The following SMYD3 variants were observed in gnomAD, a reference collection of about 807,000 sequenced individuals.
SMYD3 encodes SET and MYND domain containing 3.
A neutral mutation model predicts 57.7 loss-of-function variants in SMYD3; 36 were observed. The observed-to-expected ratio is 0.62, with a 90% CI of 0.48 to 0.82. The LOEUF is 0.82. SMYD3 is among the 40% of genes least tolerant of loss of function. SMYD3 has a pLI of 0.00. For missense variants in SMYD3, 515 were observed against 538.8 expected, an observed-to-expected ratio of 0.96 and a Z score of 0.44; for synonymous variants, 211 against 195.0, an observed-to-expected ratio of 1.08 and a Z score of -0.68.
At chr1:245,786,121 G>A (rs1408877463) in intron 10 of SMYD3, among the ~76,000 whole-genome samples, 4 of 117,482 alleles carry the variant, frequency 3.4e-5, no homozygotes, top group Non-Finnish European at 6.5e-5. Flanking sequence ...GGAGATACTA[G>A]ATACTACAAC....
intron 5 of SMYD3, among the ~76,000 whole-genome samples, chr1:246,101,374 G>A (rs186861241): frequency 2.6e-5 from 4 of 152,068 alleles, no homozygotes; most frequent in Admixed American, 6.5e-5. Flanking sequence ...TCCCAGACTC[G>A]CCCGTTTATC....
intron 5 of SMYD3, among the ~76,000 whole-genome samples, chr1:246,068,729 C>T (rs2787994): frequency 0.064 from 9,812 of 152,144 alleles, 1,087 homozygotes; most frequent in African/African-American, 0.22. Flanking sequence ...ATAAAAAATA[C>T]TACTCTTATT....
chr1:246,361,977 A>C (rs1455916147), intron 1 of SMYD3, among the ~76,000 whole-genome samples: 1 of 152,206 alleles, frequency 6.6e-6, no homozygotes, highest in Non-Finnish European at 1.5e-5. Flanking sequence ...AGAGAAAAAA[A>C]TAATAACGCA....
At chr1:246,503,963 A>G (rs1328151221) in intron 1 of SMYD3, among the ~76,000 whole-genome samples, 1 of 85,432 alleles carries the variant, frequency 1.2e-5, no homozygotes, top group Non-Finnish European at 3.0e-5. Flanking sequence ...TTAAAAAAAA[A>G]AAAAAAAAAA....
intron 1 of SMYD3, among the ~76,000 whole-genome samples, chr1:246,482,954 T>C (rs1258192098): frequency 1.3e-5 from 2 of 152,164 alleles, no homozygotes; most frequent in African/African-American, 4.8e-5. Context: ...CTCAAGGGGA[T>C]GAAACTAGTT....
At chr1:246,025,739 T>C (rs1572907419) in intron 5 of SMYD3, among the ~76,000 whole-genome samples, 1 of 152,102 alleles carries the variant, frequency 6.6e-6, no homozygotes, top group Non-Finnish European at 1.5e-5. Flanking sequence ...TGATGTATGA[T>C]TAAGCTCAAT....
At chr1:245,928,784 G>C (rs1035343536) in intron 6 of SMYD3, among the ~76,000 whole-genome samples, 16 of 152,170 alleles carry the variant, frequency 1.1e-4, no homozygotes, top group African/African-American at 3.6e-4. Context: ...GCCTTTGCTA[G>C]AACATCCACA....
intron 8 of SMYD3, among the ~76,000 whole-genome samples, chr1:245,905,015 G>A (rs1399449269): frequency 6.6e-6 from 1 of 151,794 alleles, no homozygotes; most frequent in Non-Finnish European, 1.5e-5. Flanking sequence ...CCGCTGCCTT[G>A]AAGGAAACAA....
intron 5 of SMYD3, among the ~76,000 whole-genome samples, chr1:246,240,304 C>G (rs530089650): frequency 2.0e-5 from 3 of 152,324 alleles, no homozygotes; most frequent in African/African-American, 7.2e-5. Flanking sequence ...TAGCTTTCTA[C>G]ATGTGGCTAG....
chr1:246,435,707 A>T (rs1363472887), intron 1 of SMYD3, among the ~76,000 whole-genome samples: 2 of 152,044 alleles, frequency 1.3e-5, no homozygotes, highest in East Asian at 3.8e-4. Flanking sequence ...TGATAGAAGA[A>T]TTCCAAGGAG....
chr1:246,440,779 G>A (rs2067450725), intron 1 of SMYD3, among the ~76,000 whole-genome samples: 1 of 152,164 alleles, frequency 6.6e-6, no homozygotes, highest in African/African-American at 2.4e-5. Context: ...AAAGATACAA[G>A]TTCACAAAAT....
chr1:246,001,630 T>A (rs1201446226), intron 5 of SMYD3, among the ~76,000 whole-genome samples: 1 of 152,104 alleles, frequency 6.6e-6, no homozygotes, highest in Non-Finnish European at 1.5e-5. Context: ...ATCCTATACA[T>A]AAATGACTAA....
intron 5 of SMYD3, among the ~76,000 whole-genome samples, chr1:246,111,789 A>T (rs1165419271): frequency 6.6e-6 from 1 of 152,186 alleles, no homozygotes; most frequent in Non-Finnish European, 1.5e-5. Context: ...AGACTACTTC[A>T]CCATGTGAGG....
chr1:246,406,559 C>G (rs1022995485), intron 1 of SMYD3, among the ~76,000 whole-genome samples: 1 of 152,230 alleles, frequency 6.6e-6, no homozygotes, highest in Non-Finnish European at 1.5e-5. Flanking sequence ...TCTTGTAAGT[C>G]TCTCTTCAGT....
intron 5 of SMYD3, among the ~76,000 whole-genome samples, chr1:245,971,405 T>C (rs2058298706): frequency 6.6e-6 from 1 of 151,730 alleles, no homozygotes; most frequent in Non-Finnish European, 1.5e-5. Flanking sequence ...GTAACAAAGC[T>C]GCACTGTTCT....
chr1:246,121,781 G>GTCAT (rs751280845), intron 5 of SMYD3, among the ~76,000 whole-genome samples: 10 of 152,194 alleles, frequency 6.6e-5, no homozygotes, highest in Non-Finnish European at 1.5e-4. Flanking sequence ...AATCAGTGAT[G>GTCAT]TCATTATAGG....
At chr1:246,038,576 C>T (rs779682571) in intron 5 of SMYD3, among the ~76,000 whole-genome samples, 9 of 152,126 alleles carry the variant, frequency 5.9e-5, no homozygotes, top group Admixed American at 4.6e-4. Flanking sequence ...GACACAAATA[C>T]GAATCCTATC....
intron 5 of SMYD3, among the ~76,000 whole-genome samples, chr1:246,019,276 C>T (rs1175331554): frequency 6.6e-6 from 1 of 152,128 alleles, no homozygotes. Flanking sequence ...TGCTACACAC[C>T]CTACAATGCA....
chr1:245,981,065 T>C (rs528454988), intron 5 of SMYD3, among the ~76,000 whole-genome samples: 1 of 152,382 alleles, frequency 6.6e-6, no homozygotes, highest in African/African-American at 2.4e-5. Flanking sequence ...AGTATCCCAC[T>C]GTGATTACAC....
Sources: allele counts gnomAD v4.1 joint callset (sites outside exome capture counted in the v4.1 genomes callset), GRCh38; gene constraint gnomAD v4.1.1; transcripts MANE v1.5; gene names NCBI Gene and HGNC (gene_info 2026-07-23, HGNC 2026-07-21).